EHD1: variants seen among roughly 807,000 people sequenced by gnomAD.
The protein encoded by EHD1 is EH domain containing 1, also known as EH domain-containing protein 1.
Under a neutral mutation model 39.0 loss-of-function variants are expected in EHD1, and 19 were observed. The ratio of observed to expected loss-of-function variants is 0.49; its 90% CI spans 0.34 to 0.72. EHD1 has a LOEUF of 0.72. Ranked by LOEUF, EHD1 falls within the 30% of genes least tolerant of loss-of-function variation. The pLI is 0.01. For missense variants in EHD1, 542 were observed against 751.5 expected (o/e 0.72, Z 3.26); for synonymous variants, 323 against 331.2 (o/e 0.98, Z 0.27).
At chr11:64,864,380 G>C (rs867235694) in intron 2 of EHD1, among the ~76,000 whole-genome samples, 5 of 152,348 alleles carry the variant, frequency 3.3e-5, no homozygotes, top group African/African-American at 1.2e-4. Flanking sequence ...ACAAGGCCCC[G>C]GGCACCCGGA....
chr11:64,870,512 C>G (rs1943816599), intron 2 of EHD1, among the ~76,000 whole-genome samples: 1 of 152,266 alleles, frequency 6.6e-6, no homozygotes, highest in South Asian at 2.1e-4. Context: ...AGCAGAAAGT[C>G]AGACACAAAG....
rs1476170218 is a variant in EHD1 at position 64,851,853 on chromosome 11, CCT to C, written c.*2478_*2479del. The C allele has an allele frequency of 6.6e-6, 1 of 152,196 alleles. No individual in the cohort carries two copies. Among genetic ancestry groups the C allele is most frequent in the Non-Finnish European group, 1.5e-5 (1 of 68,038 alleles). The allele number at this position is 152,196 out of a possible 1,614,324, so 9.4% of individuals were successfully genotyped here. On this transcript the variant is annotated 3_prime_UTR_variant, in exon 5 of 5. Transcript: ENST00000320631. Reference sequence around the variant, plus strand: ...CGGCAGTCCTCAGTCTCGGACTCTCCCTCTGTGAAATGGGGGAACATGAACTT... The same window carrying C: ...CGGCAGTCCTCAGTCTCGGACTCTCCCTGTGAAATGGGGGAACATGAACTT...
Position 64,854,156 on chromosome 11 carries a change from T to C in EHD1, c.*177A>G. On this transcript the variant is annotated 3_prime_UTR_variant, in exon 5 of 5. Coordinates refer to ENST00000320631, the MANE Select transcript of EHD1 (RefSeq NM_006795.4). ...GCACACAATTCCATCCTCTCACCCC[T>C]GCCTCCCCCGCCAGGCCCAGGAACA... 1 of 1,089,144 alleles carries C rather than the reference T, an allele frequency of 9.2e-7. No homozygotes were observed. The highest frequency in any genetic ancestry group is 1.3e-6 in the Non-Finnish European group (1 of 784,032). 67.5% of individuals were successfully genotyped at this position (1,089,144 alleles called of 1,614,324 possible).
At position 64,878,367 on chromosome 11, in the gene EHD1, AGCTTC is replaced by A. The variant is rs1480572917; in HGVS notation, c.93_97del (p.Gln31HisfsTer22). The A allele has an allele frequency of 6.2e-7, 1 of 1,613,750 alleles. No individual in the cohort carries two copies. The highest frequency in any genetic ancestry group is 8.5e-7 in the Non-Finnish European group (1 of 1,180,028). On this transcript the variant is annotated frameshift_variant, in exon 1 of 5. Coordinates refer to ENST00000320631, the MANE Select transcript of EHD1 (RefSeq NM_006795.4). LOFTEE classifies it high-confidence loss of function. The stretch of plus-strand genomic sequence containing the variant: ...GCGGTAGTGCTCCTCCAGGGGTAGC[AGCTTC>A]TGCGCGTACAGCTGCCGCAGCCCCT...
chr11:64,879,532 A>G, upstream of EHD1: 1 of 1,530,140 alleles, frequency 6.5e-7, no homozygotes. Context: ...AAGTTTAAAA[A>G]CCCAAATACT....
chr11:64,855,263 T>C, intron 4 of EHD1, 59 bp downstream of exon 4: 13 of 1,583,626 alleles, frequency 8.2e-6, no homozygotes, highest in Non-Finnish European at 1.1e-5. Flanking sequence ...TCCAGTGCCC[T>C]GGGCCTTCCT....
In EHD1 at chr11:64,860,145, C is replaced by A. The variant is rs142323286; in HGVS notation, c.694G>T (p.Val232Leu). The change falls in exon 3 of 5, where the codon GTG becomes TTG. Residue 232 changes from valine to leucine, a missense_variant. Transcript: ENST00000320631. ...DQIETQQLMR[V>L]YGALMWSLGK... ...AGGGACCACATGAGGGCCCCGTACACCCGCATCAGCTGCTGCGTCTCGATC... is the reference window on the plus strand; with the variant it reads ...AGGGACCACATGAGGGCCCCGTACAACCGCATCAGCTGCTGCGTCTCGATC... 70 of 1,614,040 alleles carry A rather than the reference C, an allele frequency of 4.3e-5. No individual in the cohort carries two copies. The highest frequency in any genetic ancestry group is 5.8e-5 in the Non-Finnish European group (68 of 1,180,048).
chr11:64,862,485 G>A (rs1444849236), intron 2 of EHD1, among the ~76,000 whole-genome samples: 1 of 152,198 alleles, frequency 6.6e-6, no homozygotes, highest in Non-Finnish European at 1.5e-5. Flanking sequence ...GATGGGAGGA[G>A]CTGGAGGAAG....
chr11:64,860,197 G>A lies in EHD1; in HGVS notation c.642C>T (p.Ile214=), dbSNP rs184690603. ...IKALKNHEDK[I]RVVLNKADQI... ...GGTCTGCCTTGTTCAGCACCACGCG[G>A]ATCTTGTCCTCATGGTTCTTCAGAG... The change falls in exon 3 of 5, where the codon ATC becomes ATT. Residue 214 remains isoleucine (I), a synonymous_variant. Transcript: ENST00000320631. 2 of 1,614,158 alleles carry A rather than the reference G, an allele frequency of 1.2e-6. No individual in the cohort carries two copies. Among genetic ancestry groups the A allele is most frequent in the South Asian group, 2.2e-5 (2 of 91,088 alleles).
At chr11:64,862,347 A>G (rs1470682093) in intron 2 of EHD1, among the ~76,000 whole-genome samples, 1 of 152,222 alleles carries the variant, frequency 6.6e-6, no homozygotes, top group African/African-American at 2.4e-5. Flanking sequence ...ATAACTATCC[A>G]GTTTCAGCTG....
At chr11:64,876,128 T>C (rs934618735) in intron 1 of EHD1, among the ~76,000 whole-genome samples, 4 of 152,130 alleles carry the variant, frequency 2.6e-5, no homozygotes, top group African/African-American at 7.2e-5. Flanking sequence ...AGTTATGCAA[T>C]AAGTTTTTGC....
At chr11:64,865,775 C>T (rs1016469425) in intron 2 of EHD1, among the ~76,000 whole-genome samples, 15 of 152,184 alleles carry the variant, frequency 9.9e-5, no homozygotes, top group Non-Finnish European at 1.9e-4. Context: ...CATCACTAAT[C>T]ATTAGAGAAA....
chr11:64,870,048 G>A (rs1592752145), intron 2 of EHD1, among the ~76,000 whole-genome samples: 2 of 152,316 alleles, frequency 1.3e-5, no homozygotes, highest in South Asian at 4.1e-4. Context: ...CAGGCTCCCT[G>A]GAGACCCCAA....
Position 64,858,641 on chromosome 11 carries a change from C to T in EHD1, c.915+1283G>A, listed in dbSNP as rs371596202. 6.4e-4 allele frequency among the ~76,000 whole-genome samples: 98 copies of T among 152,350 alleles called. 3 individuals carry two copies. The South Asian group carries it at 0.018, about 29-fold the overall frequency. On this transcript the variant is annotated intron_variant, in intron 3 of 4. Transcript: ENST00000320631. ...CCACGGGGTCAACCCCAACCACAGCCGGGACTGTCACTCATGGTGACTCGT... is the reference window on the plus strand; with the variant it reads ...CCACGGGGTCAACCCCAACCACAGCTGGGACTGTCACTCATGGTGACTCGT...
Position 64,854,497 on chromosome 11 carries a change from G to C in EHD1, c.1441C>G (p.Leu481Val), listed in dbSNP as rs1317090714. The part of the protein sequence containing the change: ...MVKSKLPNTV[L>V]GKIWKLADVD... ...TCGGCCAGCTTCCAGATCTTCCCTA[G>C]CACGGTGTTGGGGAGCTTGGACTTC... Residue 481 changes from leucine (L) to valine (V), a missense_variant, in exon 5 of 5, where the codon CTA becomes GTA. Coordinates refer to ENST00000320631, the MANE Select transcript of EHD1 (RefSeq NM_006795.4). 1 of 1,614,178 alleles carries C rather than the reference G, an allele frequency of 6.2e-7. No homozygotes were observed.
intron 2 of EHD1, among the ~76,000 whole-genome samples, chr11:64,867,190 G>A (rs911868404): frequency 1.4e-4 from 21 of 152,118 alleles, no homozygotes; most frequent in African/African-American, 4.6e-4. Context: ...AGGCCAAGGC[G>A]GGCTGATCAC....
chr11:64,871,738 C>T (rs1488674222), intron 2 of EHD1, among the ~76,000 whole-genome samples: 1 of 152,154 alleles, frequency 6.6e-6, no homozygotes, highest in Non-Finnish European at 1.5e-5. Context: ...GGGAGCCTGG[C>T]CTCTCAGGGA....
rs1461167426 is a variant in EHD1, at chr11:64,878,414, G to A, written c.51C>T (p.Leu17=). The A allele has an allele frequency of 2.5e-6, 4 of 1,613,736 alleles. No individual in the cohort carries two copies. The highest frequency in any genetic ancestry group is 2.2e-5 in the East Asian group (1 of 44,890). ...KDARRKKEPE[L]FQTVAEGLRQ... ...GCAGCCCCTCAGCCACCGTCTGGAAGAGCTCCGGCTCCTTCTTGCGGCGGG... is the reference window on the plus strand; with the variant it reads ...GCAGCCCCTCAGCCACCGTCTGGAAAAGCTCCGGCTCCTTCTTGCGGCGGG... The change falls in exon 1 of 5, where the codon CTC becomes CTT. Residue 17 remains leucine (L), a synonymous_variant. Transcript: ENST00000320631.
At chr11:64,855,146 C>T (rs1375481999) in intron 4 of EHD1, 176 bp downstream of exon 4, 6 of 1,085,284 alleles carry the variant, frequency 5.5e-6, no homozygotes, top group Admixed American at 2.9e-5. Flanking sequence ...TTCCCCTCTG[C>T]AGTGTCACCG....
Sources: gnomAD v4.1 joint callset for allele counts (sites outside exome capture counted in the v4.1 genomes callset) on GRCh38, gnomAD v4.1.1 for gene constraint, MANE v1.5 for transcripts, NCBI Gene and HGNC (gene_info 2026-07-23, HGNC 2026-07-21) for gene names.